PDE1C: variants seen among roughly 807,000 people sequenced by gnomAD.
PDE1C encodes dual specificity calcium/calmodulin-dependent 3',5'-cyclic nucleotide phosphodiesterase 1C.
PDE1C carries 62 observed loss-of-function variants against 93.1 expected under a neutral mutation model. The ratio of observed to expected loss-of-function variants is 0.67; its 90% CI spans 0.54 to 0.82. The LOEUF (loss-of-function observed/expected upper bound fraction) is 0.82. Ranked by LOEUF, PDE1C falls within the 40% of genes least tolerant of loss-of-function variation. The pLI, the probability that PDE1C is intolerant of heterozygous loss-of-function variation, is 0.00. For missense variants in PDE1C, 742 were observed against 884.6 expected, an observed-to-expected ratio of 0.84 and a Z score of 2.04; for synonymous variants, 325 against 310.1, an observed-to-expected ratio of 1.05 and a Z score of -0.50.
intron 2 of PDE1C, among the ~76,000 whole-genome samples, chr7:32,190,757 A>AAG (rs1267960496): frequency 6.6e-6 from 1 of 152,256 alleles, no homozygotes; most frequent in East Asian, 1.9e-4. Flanking sequence ...ACAGCCATTA[A>AAG]AGATATACTT....
chr7:31,998,195 A>G (rs1271952314), intron 2 of PDE1C, among the ~76,000 whole-genome samples: 2 of 151,784 alleles, frequency 1.3e-5, no homozygotes, highest in Admixed American at 6.6e-5. Flanking sequence ...AATTTTTTGT[A>G]TTTTTAGTAG....
chr7:31,623,694 C>T, the PDE1C span, among the ~76,000 whole-genome samples: 18 of 127,956 alleles, frequency 1.4e-4, no homozygotes, highest in African/African-American at 4.1e-4. Flanking sequence ...AAAACTGGCA[C>T]AAGACAGTTT....
intron 2 of PDE1C, among the ~76,000 whole-genome samples, chr7:32,048,493 G>A (rs1025439537): frequency 2.0e-5 from 3 of 151,980 alleles, no homozygotes; most frequent in Non-Finnish European, 4.4e-5. Context: ...CAAAAGCCAT[G>A]TGAGGAGAGA....
intron 2 of PDE1C, among the ~76,000 whole-genome samples, chr7:31,905,749 C>A (rs1224622462): frequency 6.6e-6 from 1 of 152,118 alleles, no homozygotes; most frequent in Non-Finnish European, 1.5e-5. Context: ...TGTGTCCCTA[C>A]CCAAATCTTA....
intron 17 of PDE1C, among the ~76,000 whole-genome samples, chr7:31,763,197 C>T (rs756987052): frequency 9.2e-5 from 14 of 152,146 alleles, no homozygotes; most frequent in Non-Finnish European, 1.8e-4. Context: ...GATAATGGGG[C>T]GGCCAACCTG....
intron 2 of PDE1C, among the ~76,000 whole-genome samples, chr7:31,988,961 C>T (rs1243424750): frequency 7.6e-6 from 1 of 132,304 alleles, no homozygotes; most frequent in African/African-American, 2.9e-5. Context: ...AACCATTGCA[C>T]TCCAGCCTGG....
the PDE1C span, among the ~76,000 whole-genome samples, chr7:31,726,271 G>A: frequency 6.6e-6 from 1 of 151,952 alleles, no homozygotes; most frequent in East Asian, 1.9e-4. Flanking sequence ...TTGGTATGTT[G>A]CCCAAGCTTG....
At chr7:32,296,515 A>C (rs1812613566) in intron 1 of PDE1C, among the ~76,000 whole-genome samples, 1 of 152,240 alleles carries the variant, frequency 6.6e-6, no homozygotes, top group African/African-American at 2.4e-5. Context: ...TGAATGAATA[A>C]ATTCTCAGCA....
At chr7:31,710,422 T>A in the PDE1C span, among the ~76,000 whole-genome samples, 1 of 152,184 alleles carries the variant, frequency 6.6e-6, no homozygotes, top group Non-Finnish European at 1.5e-5. Flanking sequence ...ACAGCCAATT[T>A]CTAATGCCTA....
intron 1 of PDE1C, among the ~76,000 whole-genome samples, chr7:32,319,219 G>A (rs1269946419): frequency 6.6e-6 from 1 of 152,244 alleles, no homozygotes; most frequent in Non-Finnish European, 1.5e-5. Flanking sequence ...CGTGCTTGGA[G>A]ACCGTTTTCG....
chr7:32,245,708 G>A (rs1808878802), intron 1 of PDE1C, among the ~76,000 whole-genome samples: 1 of 152,134 alleles, frequency 6.6e-6, no homozygotes, highest in Non-Finnish European at 1.5e-5. Context: ...CATAGTTCTG[G>A]ATACTGGGAA....
the PDE1C span, among the ~76,000 whole-genome samples, chr7:31,689,241 G>A: frequency 2.0e-5 from 3 of 152,188 alleles, no homozygotes; most frequent in Admixed American, 1.3e-4. Flanking sequence ...GAAAGAGGAT[G>A]TTAAAAAGGT....
At chr7:31,635,477 C>G in the PDE1C span, among the ~76,000 whole-genome samples, 10 of 152,136 alleles carry the variant, frequency 6.6e-5, no homozygotes, top group Admixed American at 6.5e-5. Context: ...AGTGAGGTTC[C>G]CAATGTCTGA....
Position 32,097,124 on chromosome 7 carries a change from A to G in PDE1C, c.308+72661T>C, listed in dbSNP as rs569403091. On this transcript the variant is annotated intron_variant, in intron 3 of 18. Transcript: ENST00000396193. ...CTGCCTTACTCAGCCTTTTTGTTCT[A>G]TTTAGATCTTCAGTTTGTTGGATGA... is the stretch of plus-strand genomic sequence containing the variant. Among the ~76,000 whole-genome samples, 5 of 152,242 alleles carry G rather than the reference A, an allele frequency of 3.3e-5. No individual in the cohort carries two copies. The South Asian group carries it at 1.0e-3, about 32-fold the overall frequency.
chr7:31,698,468 C>T, the PDE1C span, among the ~76,000 whole-genome samples: 25 of 152,190 alleles, frequency 1.6e-4, no homozygotes, highest in African/African-American at 6.0e-4. Context: ...GACAACTCTC[C>T]CTCAGTTTCT....
Position 31,877,911 on chromosome 7 carries a change from T to C in PDE1C, c.492+59A>G. The C allele has an allele frequency of 1.8e-6, 2 of 1,119,284 alleles. 1 individual carries two copies. The highest frequency in any genetic ancestry group is 2.8e-5 in the South Asian group (2 of 72,400). 69.3% of individuals were successfully genotyped at this position (1,119,284 alleles called of 1,614,324 possible). ...TGAAAGCCTCTTATTTTCTAACAAA[T>C]TTAACTCTACTTTTTATTAGGTACC... On this transcript the variant is annotated intron_variant, in intron 5 of 17. Coordinates refer to ENST00000396191, the MANE Select transcript of PDE1C (RefSeq NM_001191057.4).
intron 1 of PDE1C, among the ~76,000 whole-genome samples, chr7:32,328,664 T>C (rs1256082904): frequency 6.6e-6 from 1 of 152,140 alleles, no homozygotes; most frequent in East Asian, 1.9e-4. Flanking sequence ...ACCCCTTGCT[T>C]GCCTAACTAC....
chr7:31,857,359 C>T (rs1168896692), intron 7 of PDE1C, among the ~76,000 whole-genome samples: 2 of 152,156 alleles, frequency 1.3e-5, no homozygotes, highest in East Asian at 1.9e-4. Context: ...CCCTATATAT[C>T]GCAGTGGCCA....
intron 2 of PDE1C, among the ~76,000 whole-genome samples, chr7:32,023,570 T>C (rs374526757): frequency 1.3e-5 from 2 of 151,952 alleles, no homozygotes; most frequent in South Asian, 4.2e-4. Context: ...TTTTGGCACA[T>C]CCGTACCGTG....
Sources: allele counts gnomAD v4.1 joint callset (sites outside exome capture counted in the v4.1 genomes callset), GRCh38; gene constraint gnomAD v4.1.1; transcripts MANE v1.5; gene names NCBI Gene and HGNC (gene_info 2026-07-23, HGNC 2026-07-21).